LAMB1: variants seen among roughly 807,000 people sequenced by gnomAD.
LAMB1 encodes the protein laminin subunit beta 1.
LAMB1 carries 121 observed loss-of-function variants against 222.3 expected under a neutral mutation model. The observed-to-expected ratio is 0.54, with a 90% CI of 0.47 to 0.63. The LOEUF is 0.63. Among genes scored for constraint, LAMB1 ranks in the 30% least tolerant of loss-of-function variants. The probability of loss-of-function intolerance (pLI) is 0.00; values close to 1 mark genes in which losing one functional copy is unlikely to be tolerated. For missense variants in LAMB1, 2,172 were observed against 2,240.8 expected, an observed-to-expected ratio of 0.97 and a Z score of 0.62; for synonymous variants, 794 against 807.2, an observed-to-expected ratio of 0.98 and a Z score of 0.28.
chr7:107,940,624 A>C, intron 24 of LAMB1: 11 of 444,512 alleles, frequency 2.5e-5, no homozygotes, highest in Non-Finnish European at 1.2e-5. Context: ...CAATAACCCT[A>C]TGGGATACGT....
intron 25 of LAMB1, among the ~76,000 whole-genome samples, chr7:107,938,948 T>C (rs147229641): frequency 5.9e-5 from 9 of 152,334 alleles, no homozygotes; most frequent in Admixed American, 4.6e-4. Context: ...CTGCTACTCA[T>C]GCCTGGTATG....
intron 29 of LAMB1, 39 bp downstream of exon 29, chr7:107,931,317 G>A: frequency 1.3e-6 from 2 of 1,555,278 alleles, no homozygotes; most frequent in Non-Finnish European, 1.8e-6. Flanking sequence ...GAATCACACA[G>A]AAACAAATGT....
At chr7:108,001,407 G>A in intron 3 of LAMB1, 151 bp downstream of exon 3, 3 of 842,050 alleles carry the variant, frequency 3.6e-6, no homozygotes, top group East Asian at 2.7e-5. Context: ...TGGGGCGAAA[G>A]GTTGAGCTAC....
intron 22 of LAMB1, among the ~76,000 whole-genome samples, chr7:107,952,550 G>T (rs1003678860): frequency 6.6e-6 from 1 of 152,236 alleles, no homozygotes. Flanking sequence ...AAAAATGCCA[G>T]TGGGAATTGA....
chr7:107,947,104 A>G (rs1284098691), intron 24 of LAMB1, among the ~76,000 whole-genome samples: 3 of 152,170 alleles, frequency 2.0e-5, no homozygotes, highest in African/African-American at 7.2e-5. Flanking sequence ...TGGGTGGATG[A>G]GATTCCCTCT....
chr7:108,003,159 A>G lies in LAMB1; in HGVS notation c.-135T>C. On this transcript the variant is annotated 5_prime_UTR_variant, in exon 1 of 34. Transcript: ENST00000222399. ...GCTCCGGGAGCCCCCGAGCCCAAAG[A>G]AGGGAATTAGAAAGTTTAGCCTTGG... 1 of 559,412 alleles carries G rather than the reference A, an allele frequency of 1.8e-6. No homozygotes were observed. Among genetic ancestry groups the G allele is most frequent in the Non-Finnish European group, 3.0e-6 (1 of 334,146 alleles). 34.7% of individuals were successfully genotyped at this position (559,412 alleles called of 1,614,324 possible).
chr7:107,986,229 A>G lies in LAMB1; in HGVS notation c.558T>C (p.Asp186=). 1 of 1,614,190 alleles carries G rather than the reference A, an allele frequency of 6.2e-7. No homozygotes were observed. The stretch of plus-strand genomic sequence containing the variant: ...AATATCGAGAATCACAAATTATGTC[A>G]TCGACTTTTTTCATGGGGCCAGTTG... ...GISTGPMKKV[D]DIICDSRYSD... is the part of the protein sequence containing the mutation. The change falls in exon 6 of 34, where the codon GAT becomes GAC. Residue 186 remains aspartate, a synonymous_variant. Coordinates refer to ENST00000222399, the MANE Select transcript of LAMB1 (RefSeq NM_002291.3).
At position 107,986,224 on chromosome 7, in the gene LAMB1, A is replaced by T. The variant is rs765668374; in HGVS notation, c.563T>A (p.Ile188Lys). 1.2e-6 allele frequency: 2 copies of T among 1,614,086 alleles called. No homozygotes were observed. The highest frequency in any genetic ancestry group is 2.7e-5 in the African/African-American group (2 of 74,938). Residue 188 changes from isoleucine (I) to lysine (K), a missense_variant, in exon 6 of 34, where the codon ATA becomes AAA. Coordinates refer to ENST00000222399, the MANE Select transcript of LAMB1 (RefSeq NM_002291.3). The part of the protein sequence containing the change: ...STGPMKKVDD[I>K]ICDSRYSDIE... ...GTCAGAATATCGAGAATCACAAATT[A>T]TGTCATCGACTTTTTTCATGGGGCC...
intron 13 of LAMB1, 29 bp downstream of exon 13, chr7:107,972,963 G>A: frequency 6.4e-7 from 1 of 1,550,592 alleles, no homozygotes; most frequent in Non-Finnish European, 8.9e-7. Flanking sequence ...GAAGACTGAG[G>A]ACAAGAGCAT....
At chr7:107,964,710 T>C in intron 13 of LAMB1, 23 bp from the exon 14 acceptor site, 4 of 1,613,556 alleles carry the variant, frequency 2.5e-6, no homozygotes, top group Non-Finnish European at 3.4e-6. Flanking sequence ...AGGAGCCACA[T>C]CAGCTGAGTT....
intron 7 of LAMB1, among the ~76,000 whole-genome samples, chr7:107,981,052 C>T (rs1157322193): frequency 1.3e-5 from 2 of 152,134 alleles, no homozygotes; most frequent in Non-Finnish European, 2.9e-5. Context: ...TAGCTCACAC[C>T]TGTAATTCCA....
intron 31 of LAMB1, among the ~76,000 whole-genome samples, chr7:107,928,833 G>GA (rs2032632526): frequency 6.6e-6 from 1 of 152,078 alleles, no homozygotes; most frequent in African/African-American, 2.4e-5. Context: ...TTGTGGGGGA[G>GA]AAAATGAGAT....
intron 3 of LAMB1, among the ~76,000 whole-genome samples, chr7:108,000,384 G>A (rs1299436999): frequency 1.3e-5 from 2 of 152,124 alleles, no homozygotes; most frequent in Non-Finnish European, 2.9e-5. Context: ...CCATTTTAAG[G>A]GATCTGCTGT....
intron 29 of LAMB1, among the ~76,000 whole-genome samples, chr7:107,930,388 T>C (rs2032676139): frequency 6.6e-6 from 1 of 152,244 alleles, no homozygotes; most frequent in African/African-American, 2.4e-5. Flanking sequence ...ATGGCTTCCA[T>C]AAAATATTAC....
At chr7:107,998,787 C>A (rs2034327146) in intron 3 of LAMB1, among the ~76,000 whole-genome samples, 1 of 152,162 alleles carries the variant, frequency 6.6e-6, no homozygotes, top group African/African-American at 2.4e-5. Context: ...AGGCTTAAAC[C>A]TTAATCTCAA....
Position 107,961,686 on chromosome 7 carries a change from G to C in LAMB1, c.1858-10C>G, listed in dbSNP as rs2033505571. On this transcript the variant is annotated splice_polypyrimidine_tract_variant and intron_variant, in intron 15 of 33. Coordinates refer to ENST00000222399, the MANE Select transcript of LAMB1 (RefSeq NM_002291.3). The stretch of plus-strand genomic sequence containing the variant: ...CCCAGTGGTCGGGTAGCTAGAATAA[G>C]AAACAAACAATGAAAAGATAGTTAG... 1 of 1,611,348 alleles carries C rather than the reference G, an allele frequency of 6.2e-7. No individual in the cohort carries two copies. Among genetic ancestry groups the C allele is most frequent in the Non-Finnish European group, 8.5e-7 (1 of 1,177,820 alleles).
intron 21 of LAMB1, among the ~76,000 whole-genome samples, chr7:107,954,367 G>A (rs1007055700): frequency 1.4e-5 from 2 of 140,806 alleles, no homozygotes; most frequent in African/African-American, 5.4e-5. Context: ...ATGGTGTCTC[G>A]CCATCTTGCC....
chr7:107,951,146 A>G, intron 24 of LAMB1, 80 bp downstream of exon 24: 1 of 998,298 alleles, frequency 1.0e-6, no homozygotes, highest in South Asian at 1.4e-5. Flanking sequence ...ACTGTGTTTT[A>G]TAATTTACAG....
chr7:107,938,088 G>C (rs542928908), intron 25 of LAMB1, among the ~76,000 whole-genome samples: 1 of 152,252 alleles, frequency 6.6e-6, no homozygotes, highest in Admixed American at 6.5e-5. Flanking sequence ...TATTTGAGCA[G>C]ATTTTACCTC....
Sources: gnomAD v4.1 joint callset for allele counts (sites outside exome capture counted in the v4.1 genomes callset) on GRCh38, gnomAD v4.1.1 for gene constraint, MANE v1.5 for transcripts, NCBI Gene and HGNC (gene_info 2026-07-23, HGNC 2026-07-21) for gene names.